The following KSR2 variants were observed in gnomAD, a reference collection of about 807,000 sequenced individuals.
KSR2 encodes kinase suppressor of ras 2.
KSR2 carries 25 observed loss-of-function variants against 107.8 expected under a neutral mutation model. The ratio of observed to expected loss-of-function variants is 0.23; its 90% CI spans 0.17 to 0.32. The LOEUF is 0.32. KSR2 is among the 10% of genes least tolerant of loss of function. The pLI, the probability that KSR2 is intolerant of heterozygous loss-of-function variation, is 1.00. For synonymous variants in KSR2, 480 were observed against 507.0 expected, an observed-to-expected ratio of 0.95 and a Z score of 0.71; for missense variants, 887 against 1,268.9, an observed-to-expected ratio of 0.70 and a Z score of 4.57.
chr12:117,905,391 C>T (rs551667704), intron 1 of KSR2, among the ~76,000 whole-genome samples: 13 of 152,120 alleles, frequency 8.5e-5, no homozygotes, highest in South Asian at 2.1e-4. Flanking sequence ...AAAATAAGCA[C>T]GTAACTATTA....
chr12:117,887,250 C>A (rs1165831856), intron 1 of KSR2, among the ~76,000 whole-genome samples: 3 of 151,508 alleles, frequency 2.0e-5, no homozygotes, highest in African/African-American at 7.3e-5. Flanking sequence ...TCTTCTTTTT[C>A]GGTTTTTGTT....
At chr12:117,628,916 C>T (rs1040762113) in intron 5 of KSR2, among the ~76,000 whole-genome samples, 1 of 152,240 alleles carries the variant, frequency 6.6e-6, no homozygotes, top group Non-Finnish European at 1.5e-5. Context: ...ATGGTGGCTG[C>T]CCCTCCCCTA....
In KSR2 at chr12:117,530,995, T is replaced by C; in HGVS notation, c.1748A>G (p.Glu583Gly). The C allele has an allele frequency of 6.2e-7, 1 of 1,613,542 alleles. No homozygotes were observed. Among genetic ancestry groups the C allele is most frequent in the Non-Finnish European group, 8.5e-7 (1 of 1,179,714 alleles). Residue 583 changes from glutamate (E) to glycine (G), a missense_variant, in exon 12 of 20, where the codon GAG (glutamate) becomes GGG (glycine). Glu to Gly is a moderately conservative substitution (Grantham distance 98). Transcript: ENST00000339824. ...FIFPDVVPVP[E>G]TPTRAPQVIL... is the part of the protein sequence containing the mutation. ...GACCTGGGGCGCCCGGGTCGGCGTCTCCGGCACCGGCACCACATCTGAAAA... is the reference window on the plus strand; with the variant it reads ...GACCTGGGGCGCCCGGGTCGGCGTCCCCGGCACCGGCACCACATCTGAAAA...
intron 4 of KSR2, among the ~76,000 whole-genome samples, chr12:117,735,071 G>A (rs1238523702): frequency 9.2e-5 from 14 of 152,128 alleles, no homozygotes; most frequent in Admixed American, 3.3e-4. Flanking sequence ...CTGCTCCACC[G>A]CAGCCTGGCC....
intron 4 of KSR2, among the ~76,000 whole-genome samples, chr12:117,672,131 G>A (rs1884934907): frequency 6.6e-6 from 1 of 152,142 alleles, no homozygotes; most frequent in Non-Finnish European, 1.5e-5. Flanking sequence ...CATGGTCAGA[G>A]AAGAAAGGAA....
chr12:117,826,716 A>G (rs1414585398), intron 3 of KSR2, among the ~76,000 whole-genome samples: 1 of 151,956 alleles, frequency 6.6e-6, no homozygotes, highest in East Asian at 1.9e-4. Flanking sequence ...GCACACACAC[A>G]CACACACACA....
At chr12:117,514,825 G>A (rs894209713) in intron 14 of KSR2, among the ~76,000 whole-genome samples, 6 of 151,970 alleles carry the variant, frequency 3.9e-5, no homozygotes, top group East Asian at 3.9e-4. Context: ...TGCAATTACC[G>A]GTGTGAGCCA....
At chr12:117,611,973 A>G (rs970432286) in intron 5 of KSR2, among the ~76,000 whole-genome samples, 1 of 152,166 alleles carries the variant, frequency 6.6e-6, no homozygotes, top group African/African-American at 2.4e-5. Context: ...GGAGGAGGGA[A>G]TGAGGAGTTA....
At chr12:117,721,511 T>G (rs532080417) in intron 4 of KSR2, among the ~76,000 whole-genome samples, 1 of 152,274 alleles carries the variant, frequency 6.6e-6, no homozygotes, top group East Asian at 1.9e-4. Context: ...AGACATAAAA[T>G]AATTCTACTT....
chr12:117,875,616 C>T (rs1048082796), intron 1 of KSR2, among the ~76,000 whole-genome samples: 3 of 152,230 alleles, frequency 2.0e-5, no homozygotes, highest in Admixed American at 6.5e-5. Flanking sequence ...ACCCCATAAT[C>T]GCTGCCTTCT....
intron 14 of KSR2, among the ~76,000 whole-genome samples, chr12:117,495,168 C>G (rs1325565639): frequency 6.6e-6 from 1 of 152,208 alleles, no homozygotes; most frequent in African/African-American, 2.4e-5. Flanking sequence ...GCTGCTCACT[C>G]CCTTTTAAGC....
chr12:117,756,430 G>T (rs1166333208), intron 4 of KSR2, among the ~76,000 whole-genome samples: 1 of 152,208 alleles, frequency 6.6e-6, no homozygotes, highest in Non-Finnish European at 1.5e-5. Flanking sequence ...CTTTATAAAT[G>T]GAACAGCAAA....
At chr12:117,859,490 T>C (rs1405285662) in intron 2 of KSR2, among the ~76,000 whole-genome samples, 20 of 146,084 alleles carry the variant, frequency 1.4e-4, no homozygotes, top group African/African-American at 5.1e-4. Flanking sequence ...AGGGTCTCAC[T>C]CTGTCACCCA....
intron 14 of KSR2, among the ~76,000 whole-genome samples, chr12:117,508,918 TGGGTGGATG>T (rs1409923592): frequency 1.1e-5 from 1 of 93,152 alleles, no homozygotes. Flanking sequence ...AGAGGGTGGG[TGGGTGGATG>T]GGGTGGATGG....
intron 4 of KSR2, among the ~76,000 whole-genome samples, chr12:117,699,848 G>A (rs1886230268): frequency 6.6e-6 from 1 of 152,076 alleles, no homozygotes; most frequent in South Asian, 2.1e-4. Context: ...CTAGGTGATA[G>A]GAATTTTTCA....
At chr12:117,535,203 A>G (rs1343230291) in intron 10 of KSR2, among the ~76,000 whole-genome samples, 1 of 152,340 alleles carries the variant, frequency 6.6e-6, no homozygotes, top group East Asian at 1.9e-4. Flanking sequence ...AGGGCCAAGA[A>G]GAAAATTTGA....
rs117157311 is a variant in KSR2 at position 117,872,523 on chromosome 12, C to A, written c.181-12092G>T. The stretch of plus-strand genomic sequence containing the variant: ...AGGCTGCAGTGAGCCATGAATCACA[C>A]CACTGCAGTCCCACAGGGACAGCAG... On this transcript the variant is annotated intron_variant, in intron 1 of 19. Coordinates refer to ENST00000339824, the MANE Select transcript of KSR2 (RefSeq NM_173598.6). Among the ~76,000 whole-genome samples, 162 of 151,984 alleles carry A rather than the reference C, an allele frequency of 1.1e-3. 1 individual carries two copies. The highest frequency in any genetic ancestry group is 1.9e-3 in the Non-Finnish European group (132 of 67,964).
At chr12:117,646,355 A>G (rs750460191) in intron 5 of KSR2, among the ~76,000 whole-genome samples, 4 of 152,184 alleles carry the variant, frequency 2.6e-5, no homozygotes, top group Non-Finnish European at 4.4e-5. Context: ...AACATGCAGT[A>G]TCAGCTCACT....
Position 117,457,700 on chromosome 12 carries a change from C to A in KSR2, c.*9499G>T, listed in dbSNP as rs1870688208. ...TGTCTGGGGATGTTTTTGGATGTCA[C>A]CAGTACCAGGTGCTACTGGTATCTT... On this transcript the variant is annotated 3_prime_UTR_variant, in exon 20 of 20. Transcript: ENST00000339824. 1 of 152,174 alleles carries A rather than the reference C, an allele frequency of 6.6e-6. No individual in the cohort carries two copies. The highest frequency in any genetic ancestry group is 6.6e-5 in the Admixed American group (1 of 15,264). 9.4% of individuals were successfully genotyped at this position (152,174 alleles called of 1,614,324 possible). A position where few individuals can be genotyped will look rare whatever the true frequency, so the allele number is the denominator to read the frequency against.
Sources: allele counts gnomAD v4.1 joint callset (sites outside exome capture counted in the v4.1 genomes callset), GRCh38; gene constraint gnomAD v4.1.1; transcripts MANE v1.5; gene names NCBI Gene and HGNC (gene_info 2026-07-23, HGNC 2026-07-21).